The following LRP1B variants were observed in gnomAD, a reference collection of about 807,000 sequenced individuals.
The protein encoded by LRP1B is LDL receptor related protein 1B.
In LRP1B, 217 loss-of-function variants were observed where a neutral mutation model predicts 556.6. That is an observed-to-expected ratio of 0.39 (90% CI 0.35 to 0.44). The LOEUF is 0.44. LRP1B is among the 20% of genes least tolerant of loss of function. LRP1B has a pLI of 1.00. For synonymous variants in LRP1B, 2,047 were observed against 1,865.8 expected (o/e 1.10, Z -2.50); for missense variants, 5,053 against 5,620.8 (o/e 0.90, Z 3.23).
intron 2 of LRP1B, among the ~76,000 whole-genome samples, chr2:141,806,927 A>G (rs1044556641): frequency 2.0e-5 from 3 of 152,010 alleles, no homozygotes; most frequent in African/African-American, 7.2e-5. Flanking sequence ...TGGATTTCAG[A>G]AAAAAATAAC....
At chr2:142,010,621 G>A (rs1702931098) in intron 1 of LRP1B, among the ~76,000 whole-genome samples, 1 of 145,756 alleles carries the variant, frequency 6.9e-6, no homozygotes, top group African/African-American at 2.5e-5. Flanking sequence ...AAGTATAACA[G>A]CCACAACAGA....
intron 2 of LRP1B, among the ~76,000 whole-genome samples, chr2:141,687,483 C>T (rs1050041810): frequency 6.6e-6 from 1 of 151,790 alleles, no homozygotes; most frequent in Non-Finnish European, 1.5e-5. Flanking sequence ...ATAGTTTGCA[C>T]CAGAAAAAAA....
At chr2:141,329,332 G>C (rs1042581666) in intron 3 of LRP1B, among the ~76,000 whole-genome samples, 2 of 146,952 alleles carry the variant, frequency 1.4e-5, no homozygotes, top group Admixed American at 1.4e-4. Context: ...AGGTCAAAGT[G>C]AGCTGAGATT....
chr2:141,803,265 C>T (rs913926815), intron 2 of LRP1B, among the ~76,000 whole-genome samples: 10 of 150,634 alleles, frequency 6.6e-5, no homozygotes, highest in African/African-American at 2.4e-4. Flanking sequence ...CCCATTAGTG[C>T]ATTGTGAGAG....
intron 89 of LRP1B, among the ~76,000 whole-genome samples, chr2:140,236,179 T>C (rs1680689360): frequency 6.6e-6 from 1 of 150,928 alleles, no homozygotes; most frequent in African/African-American, 2.4e-5. Context: ...TAGAAGTGAA[T>C]AGTTGAGCAT....
intron 83 of LRP1B, among the ~76,000 whole-genome samples, chr2:140,310,421 A>AAG (rs1684248109): frequency 6.6e-6 from 1 of 151,368 alleles, no homozygotes; most frequent in Non-Finnish European, 1.5e-5. Context: ...AACCAAAAAA[A>AAG]AAAAAAAGGC....
chr2:141,700,770 G>A (rs1370185850), intron 2 of LRP1B, among the ~76,000 whole-genome samples: 1 of 151,756 alleles, frequency 6.6e-6, no homozygotes, highest in Non-Finnish European at 1.5e-5. Context: ...GAGAACTTGT[G>A]CTTGATGCCA....
chr2:141,385,907 A>T (rs761207448), intron 3 of LRP1B, among the ~76,000 whole-genome samples: 1 of 152,136 alleles, frequency 6.6e-6, no homozygotes. Context: ...TATTTTTTCA[A>T]TGTATTAATG....
At chr2:140,333,158 C>A (rs1056456640) in intron 79 of LRP1B, among the ~76,000 whole-genome samples, 2 of 151,964 alleles carry the variant, frequency 1.3e-5, no homozygotes, top group African/African-American at 4.8e-5. Context: ...ATTCTATTTT[C>A]TTAAAAAACT....
intron 1 of LRP1B, among the ~76,000 whole-genome samples, chr2:142,063,253 T>C (rs959459065): frequency 2.6e-5 from 4 of 151,662 alleles, no homozygotes; most frequent in Non-Finnish European, 5.9e-5. Context: ...ACCATGAATT[T>C]GCAATTGATG....
In LRP1B at chr2:140,502,980, G is replaced by A. The variant is rs764441931; in HGVS notation, c.8645C>T (p.Pro2882Leu). 6.2e-7 allele frequency: 1 copy of A among 1,613,044 alleles called. No homozygotes were observed. The highest frequency in any genetic ancestry group is 8.5e-7 in the Non-Finnish European group (1 of 1,179,206). ...PDHSDEAPLNPKCKSAEQSCN... is the reference protein window; with the variant it reads ...PDHSDEAPLNLKCKSAEQSCN... ...TTCTGTACCTGCACTTTTACACTTT[G>A]GGTTTAAAGGTGCTTCATCAGAATG... The change falls in exon 54 of 91, where the codon CCA (proline) becomes CTA (leucine). Residue 2882 changes from proline to leucine, a missense_variant. Around this residue, in one of 5 missense-constraint regions of LRP1B, gnomAD observed 3,619 missense variants for 3,931.9 expected, o/e 0.92. Coordinates refer to ENST00000389484, the MANE Select transcript of LRP1B (RefSeq NM_018557.3).
chr2:141,480,558 A>T (rs747659035), intron 2 of LRP1B, 25 bp from the exon 3 acceptor site: 1 of 1,612,888 alleles, frequency 6.2e-7, no homozygotes, highest in South Asian at 1.1e-5. Context: ...AAAAGAACAG[A>T]ATTATGTGTT....
At chr2:140,280,961 ATAATG>A (rs1037902548) in intron 84 of LRP1B, among the ~76,000 whole-genome samples, 5 of 151,856 alleles carry the variant, frequency 3.3e-5, no homozygotes, top group Non-Finnish European at 7.4e-5. Flanking sequence ...ACCAAACACA[ATAATG>A]TAATCTAAAG....
chr2:140,946,411 C>T (rs927815662), intron 20 of LRP1B, among the ~76,000 whole-genome samples: 3 of 151,970 alleles, frequency 2.0e-5, no homozygotes, highest in African/African-American at 7.3e-5. Context: ...ACCAGCCTGG[C>T]CAACATGGTG....
At chr2:142,011,455 A>T (rs1702955797) in intron 1 of LRP1B, among the ~76,000 whole-genome samples, 1 of 152,194 alleles carries the variant, frequency 6.6e-6, no homozygotes, top group South Asian at 2.1e-4. Flanking sequence ...TTCTGAGGTT[A>T]ATGGTGATCT....
intron 7 of LRP1B, among the ~76,000 whole-genome samples, chr2:141,153,039 C>A (rs1199120799): frequency 6.0e-5 from 9 of 149,932 alleles, no homozygotes; most frequent in Admixed American, 5.4e-4. Context: ...GAAATCTTAA[C>A]CATTCTTTAA....
At chr2:140,631,702 GA>G (rs1334866448) in intron 41 of LRP1B, among the ~76,000 whole-genome samples, 1 of 152,080 alleles carries the variant, frequency 6.6e-6, no homozygotes, top group Non-Finnish European at 1.5e-5. Flanking sequence ...TATTGGAAAA[GA>G]AATGAGAAGG....
In LRP1B at chr2:140,356,302, C is replaced by T. The variant is rs768226345; in HGVS notation, c.11530+40G>A. On this transcript the variant is annotated intron_variant, in intron 75 of 90. Coordinates refer to ENST00000389484, the MANE Select transcript of LRP1B (RefSeq NM_018557.3). ...AGAAGTCTTGGGAATCTTCATAACC[C>T]AAAGATTTATGAGCAAACTGTTGAA... 5 of 1,602,232 alleles carry T rather than the reference C, an allele frequency of 3.1e-6. No individual in the cohort carries two copies. In the South Asian group the frequency reaches 5.5e-5, roughly 18 times the overall value.
intron 1 of LRP1B, among the ~76,000 whole-genome samples, chr2:142,106,800 T>C (rs2104979917): frequency 6.6e-6 from 1 of 152,270 alleles, no homozygotes; most frequent in South Asian, 2.1e-4. Flanking sequence ...GGTTATATTA[T>C]GTCTCATATC....
Sources: gnomAD v4.1 joint callset for allele counts (sites outside exome capture counted in the v4.1 genomes callset) on GRCh38, gnomAD v4.1.1 for gene constraint, gnomAD v4.1.1 regional missense constraint, MANE v1.5 for transcripts, NCBI Gene and HGNC (gene_info 2026-07-23, HGNC 2026-07-21) for gene names.